The following ELMO1 variants were observed in gnomAD, a reference collection of about 807,000 sequenced individuals.
ELMO1 encodes the protein engulfment and cell motility protein 1.
In ELMO1, 26 loss-of-function variants were observed where a neutral mutation model predicts 98.9. The observed-to-expected ratio is 0.26, with a 90% confidence interval of 0.19 to 0.36. The LOEUF is 0.36. ELMO1 is among the 10% of genes least tolerant of loss of function. The pLI is 1.00. For synonymous variants in ELMO1, 346 were observed against 346.0 expected (o/e 1.00, Z 0.00); for missense variants, 627 against 935.2 (o/e 0.67, Z 4.30).
At chr7:37,078,982 C>G (rs1172251297) in intron 15 of ELMO1, among the ~76,000 whole-genome samples, 2 of 152,078 alleles carry the variant, frequency 1.3e-5, no homozygotes, top group Admixed American at 6.6e-5. Flanking sequence ...TTCTGCTTCT[C>G]TACATGTTTA....
At chr7:37,263,223 A>G (rs1399228663) in intron 5 of ELMO1, among the ~76,000 whole-genome samples, 1 of 151,442 alleles carries the variant, frequency 6.6e-6, no homozygotes, top group Non-Finnish European at 1.5e-5. Flanking sequence ...TTGTTCTCAG[A>G]TATCAGTTAT....
chr7:37,272,046 A>G (rs1796585677), intron 4 of ELMO1, among the ~76,000 whole-genome samples, 164 bp from the exon 5 acceptor site: 1 of 152,218 alleles, frequency 6.6e-6, no homozygotes, highest in Non-Finnish European at 1.5e-5. Flanking sequence ...ATCTGACAAT[A>G]TTCAGTACAA....
intron 13 of ELMO1, among the ~76,000 whole-genome samples, chr7:37,135,986 T>C (rs1297654673): frequency 5.3e-5 from 8 of 152,032 alleles, no homozygotes; most frequent in African/African-American, 1.9e-4. Context: ...CAGGATACAG[T>C]ATATGAAAGA....
At chr7:37,055,267 G>A (rs1217826369) in intron 15 of ELMO1, among the ~76,000 whole-genome samples, 1 of 152,208 alleles carries the variant, frequency 6.6e-6, no homozygotes, top group Non-Finnish European at 1.5e-5. Context: ...ATACAGTGAA[G>A]AACATACGCT....
intron 1 of ELMO1, among the ~76,000 whole-genome samples, chr7:37,378,989 G>A (rs1802478610): frequency 6.6e-6 from 1 of 151,932 alleles, no homozygotes; most frequent in African/African-American, 2.4e-5. Context: ...TCCTTCAGTG[G>A]ATCCCCATTG....
At chr7:36,929,890 G>A (rs1486021181) in intron 16 of ELMO1, among the ~76,000 whole-genome samples, 2 of 152,226 alleles carry the variant, frequency 1.3e-5, no homozygotes, top group East Asian at 3.8e-4. Flanking sequence ...AGGTTCATCA[G>A]CTCTGCATAT....
chr7:37,280,421 C>T (rs1049320059), intron 4 of ELMO1, among the ~76,000 whole-genome samples: 1 of 152,116 alleles, frequency 6.6e-6, no homozygotes, highest in African/African-American at 2.4e-5. Context: ...AGACAACCCA[C>T]AGAGTGGGAG....
chr7:37,257,404 C>T (rs1388280286), intron 6 of ELMO1, among the ~76,000 whole-genome samples: 2 of 151,958 alleles, frequency 1.3e-5, no homozygotes, highest in Non-Finnish European at 2.9e-5. Context: ...GCCTGGCCAA[C>T]GTGGTGAAAC....
At chr7:36,923,998 G>A (rs1400596515) in intron 16 of ELMO1, among the ~76,000 whole-genome samples, 1 of 152,168 alleles carries the variant, frequency 6.6e-6, no homozygotes, top group Admixed American at 6.5e-5. Context: ...GCAATTACAG[G>A]AGCCTTGCAC....
intron 13 of ELMO1, among the ~76,000 whole-genome samples, chr7:37,179,063 A>G (rs1481425612): frequency 6.6e-6 from 1 of 152,180 alleles, no homozygotes; most frequent in Admixed American, 6.5e-5. Flanking sequence ...AATGTGTATG[A>G]TATTAGCATT....
intron 2 of ELMO1, among the ~76,000 whole-genome samples, chr7:37,327,175 A>C (rs1799864660): frequency 6.6e-6 from 1 of 152,166 alleles, no homozygotes; most frequent in South Asian, 2.1e-4. Flanking sequence ...GCACTCCACC[A>C]TGCCTTTGTA....
At chr7:37,082,313 A>G (rs1258449202) in intron 15 of ELMO1, among the ~76,000 whole-genome samples, 1 of 151,818 alleles carries the variant, frequency 6.6e-6, no homozygotes, top group African/African-American at 2.4e-5. Context: ...TTTTTTTACC[A>G]CTTCCTATAT....
chr7:37,161,929 T>TATATATATATATATATATATATATATAC (rs1789241936), intron 13 of ELMO1, among the ~76,000 whole-genome samples: 1 of 109,110 alleles, frequency 9.2e-6, no homozygotes, highest in Non-Finnish European at 2.0e-5. Context: ...TATATATATA[T>TATATATATATATATATATATATATATAC]ATATATGTTA....
At chr7:37,364,278 G>T (rs901901789) in intron 1 of ELMO1, among the ~76,000 whole-genome samples, 8 of 152,264 alleles carry the variant, frequency 5.3e-5, no homozygotes, top group Non-Finnish European at 8.8e-5. Flanking sequence ...GAGACACAGG[G>T]GACCCTCCCA....
At chr7:37,193,310 G>A (rs1469039121) in intron 13 of ELMO1, among the ~76,000 whole-genome samples, 1 of 152,126 alleles carries the variant, frequency 6.6e-6, no homozygotes, top group Admixed American at 6.6e-5. Flanking sequence ...CCCGCACAGT[G>A]ATTGTATCCA....
intron 1 of ELMO1, chr7:37,375,801 T>C (rs1802316220): frequency 2.2e-6 from 2 of 898,732 alleles, no homozygotes; most frequent in Non-Finnish European, 3.6e-6. Context: ...TGCCTGCCAC[T>C]GTACACTGCA....
At chr7:37,080,114 A>C (rs1797784762) in intron 15 of ELMO1, among the ~76,000 whole-genome samples, 1 of 152,080 alleles carries the variant, frequency 6.6e-6, no homozygotes, top group African/African-American at 2.4e-5. Flanking sequence ...TCCCCACTCC[A>C]CATCCAATCA....
At chr7:37,062,814 T>C (rs932009654) in intron 15 of ELMO1, among the ~76,000 whole-genome samples, 14 of 152,166 alleles carry the variant, frequency 9.2e-5, no homozygotes, top group Admixed American at 2.0e-4. Flanking sequence ...TCGAACTTTG[T>C]ATTAACTGAG....
intron 21 of ELMO1, among the ~76,000 whole-genome samples, chr7:36,858,437 G>T (rs1802369662): frequency 6.6e-6 from 1 of 152,094 alleles, no homozygotes; most frequent in African/African-American, 2.4e-5. Flanking sequence ...ACATACAGGG[G>T]ACCGATGAAT....
Sources: gnomAD v4.1 joint callset for allele counts (sites outside exome capture counted in the v4.1 genomes callset) on GRCh38, gnomAD v4.1.1 for gene constraint, MANE v1.5 for transcripts, NCBI Gene and HGNC (gene_info 2026-07-23, HGNC 2026-07-21) for gene names.